Variants in SNX8 observed in about 807,000 individuals in gnomAD.
SNX8 encodes the protein sorting nexin 8.
A neutral mutation model predicts 51.6 loss-of-function variants in SNX8; 25 were observed. The observed-to-expected ratio is 0.48, with a 90% CI of 0.35 to 0.68. The LOEUF is 0.68. Among genes scored for constraint, SNX8 ranks in the 30% least tolerant of loss-of-function variants. The pLI is 0.00. For missense variants in SNX8, 695 were observed against 624.0 expected (o/e 1.11, Z -1.21); for synonymous variants, 324 against 277.0 (o/e 1.17, Z -1.68).
intron 1 of SNX8, among the ~76,000 whole-genome samples, chr7:2,333,289 G>A (rs1197762087): frequency 1.3e-5 from 2 of 152,154 alleles, no homozygotes; most frequent in African/African-American, 2.4e-5. Flanking sequence ...TTGGCTGGGC[G>A]CAGTGGCTCA....
chr7:2,307,105 C>T (rs755275273), intron 1 of SNX8, among the ~76,000 whole-genome samples: 44 of 152,098 alleles, frequency 2.9e-4, no homozygotes, highest in Admixed American at 6.6e-4. Context: ...TGCCTCCTCC[C>T]ACCCAGTCAA....
At position 2,278,111 on chromosome 7, in the gene SNX8, C is replaced by G. The variant is rs141606164; in HGVS notation, c.289G>C (p.Val97Leu). The change falls in exon 2 of 11, where the codon GTT becomes CTT. Residue 97 changes from valine (V) to leucine (L), a missense_variant. Physicochemically the swap from Val to Leu is conservative, Grantham distance 32. Coordinates refer to ENST00000222990, the MANE Select transcript of SNX8 (RefSeq NM_013321.4). Reference protein sequence around the residue: ...GLFLKHVEYEVSSQRFKSSVY... With the variant: ...GLFLKHVEYELSSQRFKSSVY... ...AATTTGCCAGTTACCTGGCTGGAAA[C>G]CTCATACTCCACATGCTTCAGGAAG... 57 of 1,613,766 alleles carry G rather than the reference C, an allele frequency of 3.5e-5. No homozygotes were observed. The highest frequency in any genetic ancestry group is 4.6e-5 in the Non-Finnish European group (54 of 1,179,802).
intron 1 of SNX8, among the ~76,000 whole-genome samples, chr7:2,312,644 C>T (rs914261874): frequency 6.6e-6 from 1 of 152,182 alleles, no homozygotes; most frequent in East Asian, 1.9e-4. Flanking sequence ...TCCCCGCTGC[C>T]GTTTCTCGCC....
intron 1 of SNX8, among the ~76,000 whole-genome samples, chr7:2,286,285 T>A (rs1000641068): frequency 7.9e-5 from 12 of 152,096 alleles, no homozygotes; most frequent in African/African-American, 2.9e-4. Flanking sequence ...GTGCTGGGAT[T>A]ACAGACGAGA....
At chr7:2,314,516 A>C (rs1391879738), upstream of SNX8, 1 of 1,085,918 alleles carries the variant, frequency 9.2e-7, no homozygotes, top group African/African-American at 1.9e-5. Context: ...CCGCCTGGTC[A>C]CGCCCCCTCC....
chr7:2,306,321 G>A (rs1796544305), intron 1 of SNX8, among the ~76,000 whole-genome samples: 3 of 151,524 alleles, frequency 2.0e-5, no homozygotes, highest in Non-Finnish European at 4.4e-5. Flanking sequence ...TAGTAGAGAC[G>A]GGGTTTCACC....
At position 2,254,667 on chromosome 7, in the gene SNX8, C is replaced by T. The variant is rs1714013713; in HGVS notation, c.*389G>A. 7.8e-6 allele frequency: 2 copies of T among 256,854 alleles called. No homozygotes were observed. The highest frequency in any genetic ancestry group is 4.5e-5 in the South Asian group (1 of 22,454). 15.9% of individuals were successfully genotyped at this position (256,854 alleles called of 1,614,324 possible). On this transcript the variant is annotated 3_prime_UTR_variant, in exon 11 of 11. Coordinates refer to ENST00000222990, the MANE Select transcript of SNX8 (RefSeq NM_013321.4). ...GCAGGGCAGCCCTGCCCTCTCTCCT[C>T]GGCTGACCGAGCACCATGATGCTGC...
chr7:2,266,266 C>T (rs1795461620), intron 5 of SNX8, among the ~76,000 whole-genome samples: 1 of 152,162 alleles, frequency 6.6e-6, no homozygotes, highest in Non-Finnish European at 1.5e-5. Flanking sequence ...CTCACTGCAG[C>T]CTCTGCCTCC....
intron 1 of SNX8, among the ~76,000 whole-genome samples, chr7:2,300,796 C>T (rs540793689): frequency 1.3e-5 from 2 of 152,108 alleles, no homozygotes; most frequent in Admixed American, 6.6e-5. Flanking sequence ...GCGCATGCCA[C>T]CACGCCCAGC....
chr7:2,282,640 T>G (rs953070346), intron 1 of SNX8, among the ~76,000 whole-genome samples: 17 of 152,176 alleles, frequency 1.1e-4, no homozygotes, highest in African/African-American at 4.1e-4. Context: ...TTTTCACAGC[T>G]GACATCTCGG....
Position 2,252,784 on chromosome 7 carries a change from T to G in SNX8, c.*2272A>C. 9.7e-6 allele frequency: 1 copy of G among 103,202 alleles called. No individual in the cohort carries two copies. Among genetic ancestry groups the G allele is most frequent in the African/African-American group, 4.3e-5 (1 of 23,396 alleles). The allele number at this position is 103,202 out of a possible 1,614,324, so 6.4% of individuals were successfully genotyped here. On this transcript the variant is annotated 3_prime_UTR_variant, in exon 11 of 11. Transcript: ENST00000222990. ...GCTCCCCCTCACCCCTGCCCTCCCTTACCCGTTCTCCTGCTCCCTCCTCAC... is the reference window on the plus strand; with the variant it reads ...GCTCCCCCTCACCCCTGCCCTCCCTGACCCGTTCTCCTGCTCCCTCCTCAC...
At chr7:2,337,450 A>AAACAG (rs1411165757) in intron 1 of SNX8, among the ~76,000 whole-genome samples, 1 of 151,996 alleles carries the variant, frequency 6.6e-6, no homozygotes, top group Non-Finnish European at 1.5e-5. Flanking sequence ...CCCTGTCACA[A>AAACAG]AACAAAACAA....
At position 2,254,650 on chromosome 7, in the gene SNX8, G is replaced by A. The variant is rs556967461; in HGVS notation, c.*406C>T. The A allele has an allele frequency of 2.4e-3, 544 of 228,308 alleles. 5 individuals carry two copies. The highest frequency in any genetic ancestry group is 3.4e-3 in the South Asian group (60 of 17,684). The allele number at this position is 228,308 out of a possible 1,614,324, so 14.1% of individuals were successfully genotyped here. On this transcript the variant is annotated 3_prime_UTR_variant, in exon 11 of 11. Coordinates refer to ENST00000222990, the MANE Select transcript of SNX8 (RefSeq NM_013321.4). ...AGTCCCATGCCTGGGCTGCAGGGCA[G>A]CCCTGCCCTCTCTCCTCGGCTGACC...
intron 1 of SNX8, among the ~76,000 whole-genome samples, chr7:2,334,976 A>C (rs1778800175): frequency 6.6e-6 from 1 of 151,594 alleles, no homozygotes. Flanking sequence ...TGGATGGATG[A>C]CCTGACGTCA....
intron 1 of SNX8, among the ~76,000 whole-genome samples, chr7:2,283,064 T>C (rs1445702082): frequency 6.7e-6 from 1 of 150,352 alleles, no homozygotes; most frequent in Non-Finnish European, 1.5e-5. Context: ...GAGCTTGCAG[T>C]GAGCAGAGAT....
At chr7:2,331,530 C>G (rs1203748961) in intron 1 of SNX8, among the ~76,000 whole-genome samples, 1 of 151,610 alleles carries the variant, frequency 6.6e-6, no homozygotes, top group Non-Finnish European at 1.5e-5. Context: ...ACGGTGAAAC[C>G]CCGTCTCCAC....
intron 2 of SNX8, among the ~76,000 whole-genome samples, chr7:2,277,660 T>A (rs923455036): frequency 4.0e-5 from 6 of 151,214 alleles, no homozygotes; most frequent in Non-Finnish European, 8.8e-5. Flanking sequence ...CAAAAAAATT[T>A]GCCAGGCGTG....
intron 1 of SNX8, among the ~76,000 whole-genome samples, chr7:2,331,132 G>A (rs1371440799): frequency 2.2e-5 from 3 of 136,644 alleles, no homozygotes; most frequent in African/African-American, 5.3e-5. Context: ...GTTGCAGTGA[G>A]CAAAGATTGC....
chr7:2,298,669 C>T (rs1796325993), intron 1 of SNX8, among the ~76,000 whole-genome samples: 1 of 150,938 alleles, frequency 6.6e-6, no homozygotes, highest in Admixed American at 6.6e-5. Flanking sequence ...CACACCCAAC[C>T]TGGGTTTTGG....
Sources: allele counts gnomAD v4.1 joint callset (sites outside exome capture counted in the v4.1 genomes callset), GRCh38; gene constraint gnomAD v4.1.1; transcripts MANE v1.5; gene names NCBI Gene and HGNC (gene_info 2026-07-23, HGNC 2026-07-21).